Variants in MACF1 observed in about 807,000 individuals in gnomAD.
MACF1 encodes the protein microtubule actin crosslinking factor 1, also known as microtubule-actin cross-linking factor 1.
MACF1 carries 193 observed loss-of-function variants against 854.8 expected under a neutral mutation model. The ratio of observed to expected loss-of-function variants is 0.23; its 90% confidence interval spans 0.20 to 0.25. The LOEUF (loss-of-function observed/expected upper bound fraction) is 0.25. Among genes scored for constraint, MACF1 ranks in the 10% least tolerant of loss-of-function variants. The pLI is 1.00. For synonymous variants in MACF1, 3,185 were observed against 3,226.7 expected (o/e 0.99, Z 0.44); for missense variants, 7,722 against 8,929.1 (o/e 0.86, Z 5.45).
intron 58 of MACF1, among the ~76,000 whole-genome samples, chr1:39,397,572 A>G (rs1642322566): frequency 2.0e-5 from 3 of 152,150 alleles, no homozygotes; most frequent in African/African-American, 7.2e-5. Flanking sequence ...AAAAAAAAAA[A>G]AAGTAGCTAC....
intron 58 of MACF1, among the ~76,000 whole-genome samples, chr1:39,421,101 A>G (rs1617212): frequency 0.4 from 60,886 of 151,866 alleles, 14,287 homozygotes; most frequent in African/African-American, 0.66. Context: ...TCCTGACCTC[A>G]TGATTTGCCC....
chr1:39,262,302 A>G (rs1042796473), intron 6 of MACF1, among the ~76,000 whole-genome samples: 6 of 151,286 alleles, frequency 4.0e-5, no homozygotes, highest in Admixed American at 6.6e-5. Context: ...GGGAGGCTGC[A>G]AAGCATGAGA....
At chr1:39,445,289 A>T (rs1394356076) in intron 80 of MACF1, among the ~76,000 whole-genome samples, 1 of 152,242 alleles carries the variant, frequency 6.6e-6, no homozygotes, top group Non-Finnish European at 1.5e-5. Flanking sequence ...ACTCATCCTC[A>T]AAAATCAAAT....
intron 2 of MACF1, among the ~76,000 whole-genome samples, chr1:39,128,369 TG>T (rs1642913947): frequency 6.6e-6 from 1 of 152,114 alleles, no homozygotes; most frequent in Non-Finnish European, 1.5e-5. Flanking sequence ...ACCACTGCAC[TG>T]GGCTGCCTTA....
rs1643576688 is a variant in MACF1 at position 39,422,365 on chromosome 1, A to T, written c.15817-9A>T. 6.2e-7 allele frequency: 1 copy of T among 1,612,976 alleles called. No homozygotes were observed. The highest frequency in any genetic ancestry group is 2.2e-5 in the East Asian group (1 of 44,862). ...TGTATTAAATCTTCTTTGGCTTGTA[A>T]TTATCTAGATGTTTCAGAAAGAACA... On this transcript the variant is annotated splice_polypyrimidine_tract_variant and intron_variant, in intron 58 of 100. Coordinates refer to ENST00000564288, the MANE Select transcript of MACF1 (RefSeq NM_001394062.1).
intron 2 of MACF1, among the ~76,000 whole-genome samples, chr1:39,176,379 C>T (rs1644029248): frequency 1.3e-5 from 2 of 151,920 alleles, no homozygotes. Flanking sequence ...TAGCTTGTCC[C>T]ATTTCTTAGT....
chr1:39,411,231 G>A, intron 58 of MACF1: 1 of 1,613,888 alleles, frequency 6.2e-7, no homozygotes. Context: ...TAAAGTTTGA[G>A]GAGGATGAGC....
chr1:39,203,477 T>A (rs563298474), upstream of MACF1, among the ~76,000 whole-genome samples: 65 of 152,342 alleles, frequency 4.3e-4, no homozygotes, highest in African/African-American at 1.5e-3. Context: ...AGTGCAGGGA[T>A]TACAAGCATG....
Position 39,428,055 on chromosome 1 carries a change from A to G in MACF1, c.16571A>G (p.Gln5524Arg), listed in dbSNP as rs995370432. ...TCCTCCCTGACATCTCCTGCAGAAC[A>G]GGGTGTGCTGTCAGAAAAGATAGAC... ...SLSSLTSPAE[Q>R]GVLSEKIDSL... Residue 5524 changes from glutamine to arginine, a missense_variant, in exon 63 of 101, where the codon CAG becomes CGG. Gln to Arg is a conservative substitution (Grantham distance 43). Coordinates refer to ENST00000564288, the MANE Select transcript of MACF1 (RefSeq NM_001394062.1). 3 of 1,614,212 alleles carry G rather than the reference A, an allele frequency of 1.9e-6. No homozygotes were observed. The highest frequency in any genetic ancestry group is 2.5e-6 in the Non-Finnish European group (3 of 1,180,024).
intron 2 of MACF1, among the ~76,000 whole-genome samples, chr1:39,140,644 C>T (rs770999560): frequency 9.2e-5 from 14 of 152,024 alleles, no homozygotes; most frequent in East Asian, 1.9e-4. Context: ...CAACTGGGCA[C>T]GGTGGCTCAC....
chr1:39,484,362 G>T (rs12047105), intron 99 of MACF1, among the ~76,000 whole-genome samples: 1 of 150,716 alleles, frequency 6.6e-6, no homozygotes, highest in Non-Finnish European at 1.5e-5. Context: ...GGGGAAATTA[G>T]TAAAACAAAA....
rs552926907 is a variant in MACF1, at chr1:39,350,697, T to G, written c.10966-88T>G. ...TAGGGACTATATACAGGACTATATG[T>G]CATCCTAGCCATTCCATCTTTATAC... On this transcript the variant is annotated intron_variant, in intron 42 of 100. Transcript: ENST00000564288. 25 of 913,040 alleles carry G rather than the reference T, an allele frequency of 2.7e-5. No individual in the cohort carries two copies. The South Asian group carries it at 2.9e-4, about 10-fold the overall frequency. The allele number at this position is 913,040 out of a possible 1,614,324, so 56.6% of individuals were successfully genotyped here.
At chr1:39,449,068 C>G (rs1017184753) in intron 84 of MACF1, among the ~76,000 whole-genome samples, 6 of 152,196 alleles carry the variant, frequency 3.9e-5, no homozygotes, top group Non-Finnish European at 8.8e-5. Flanking sequence ...ATTGACTGCT[C>G]TTGGACACTC....
Position 39,447,434 on chromosome 1 carries a change from A to G in MACF1, c.19608A>G (p.Ser6536=). The change falls in exon 81 of 101, where the codon TCA becomes TCG. Residue 6536 remains serine, a splice_region_variant and synonymous_variant. Coordinates refer to ENST00000564288, the MANE Select transcript of MACF1 (RefSeq NM_001394062.1). ...TGTGTGTTTTACTTGAAATTCAGTCAAAGCTGGAAGAGGCCCTCAACTTGG... is the reference window on the plus strand; with the variant it reads ...TGTGTGTTTTACTTGAAATTCAGTCGAAGCTGGAAGAGGCCCTCAACTTGG... ...VVSSKMEERK[S]KLEEALNLAT... The G allele has an allele frequency of 6.2e-7, 1 of 1,613,840 alleles. No individual in the cohort carries two copies. The highest frequency in any genetic ancestry group is 2.2e-5 in the East Asian group (1 of 44,870).
In MACF1 at chr1:39,312,788, A is replaced by G. The variant is rs146086695; in HGVS notation, c.3270+1788A>G. On this transcript the variant is annotated intron_variant, in intron 26 of 100. Transcript: ENST00000564288. ...TGCAGTGAGCCGAGATCACACCACT[A>G]CACTCCAGCCTGGGCAACAGAGCAA... 5.1e-3 allele frequency among the ~76,000 whole-genome samples: 771 copies of G among 152,160 alleles called. 5 individuals carry two copies. The highest frequency in any genetic ancestry group is 0.018 in the African/African-American group (737 of 41,512).
intron 95 of MACF1, among the ~76,000 whole-genome samples, 155 bp downstream of exon 95, chr1:39,465,267 C>T (rs1462963909): frequency 1.3e-5 from 2 of 152,118 alleles, no homozygotes; most frequent in African/African-American, 2.4e-5. Context: ...ATGGGGCCAG[C>T]ATTGCAAAGC....
Position 39,350,956 on chromosome 1 carries a change from C to G in MACF1, c.11137C>G (p.Arg3713Gly). The G allele has an allele frequency of 6.2e-7, 1 of 1,614,094 alleles. No individual in the cohort carries two copies. Residue 3713 changes from arginine (R) to glycine (G), a missense_variant, in exon 43 of 101, where the codon CGT becomes GGT. Coordinates refer to ENST00000564288, the MANE Select transcript of MACF1 (RefSeq NM_001394062.1). ...EQYEALQEET[R>G]VAQKELEEAV... The stretch of plus-strand genomic sequence containing the variant: ...ATATGAGGCGCTCCAGGAAGAGACA[C>G]GTGTGGCCCAGAAGGAACTGGAGGA...
At chr1:39,102,062 G>C (rs951618036) in intron 2 of MACF1, among the ~76,000 whole-genome samples, 43 of 144,542 alleles carry the variant, frequency 3.0e-4, no homozygotes, top group Middle Eastern at 4.1e-3. Context: ...TGTAGTCCCA[G>C]CTACTCGGGA....
chr1:39,226,965 G>A (rs1204090541), intron 1 of MACF1, among the ~76,000 whole-genome samples: 3 of 152,228 alleles, frequency 2.0e-5, no homozygotes, highest in South Asian at 4.1e-4. Context: ...CTGATATCGT[G>A]TGAAAATGTA....
Sources: allele counts gnomAD v4.1 joint callset (sites outside exome capture counted in the v4.1 genomes callset), GRCh38; gene constraint gnomAD v4.1.1; transcripts MANE v1.5; gene names NCBI Gene and HGNC (gene_info 2026-07-23, HGNC 2026-07-21).